PLEKHM2: variants seen among roughly 807,000 people sequenced by gnomAD.
PLEKHM2 encodes the protein pleckstrin homology and RUN domain containing M2.
Under a neutral mutation model 116.3 loss-of-function variants are expected in PLEKHM2, and 77 were observed. That is an observed-to-expected ratio of 0.66 (90% CI 0.55 to 0.80). The LOEUF (loss-of-function observed/expected upper bound fraction) is 0.80. PLEKHM2 is among the 30% of genes least tolerant of loss of function. PLEKHM2 has a pLI of 0.00. For missense variants in PLEKHM2, 1,183 were observed against 1,354.9 expected, an observed-to-expected ratio of 0.87 and a Z score of 1.99; for synonymous variants, 562 against 571.0, an observed-to-expected ratio of 0.98 and a Z score of 0.22.
At chr1:15,732,209 C>T (rs1201287028) in intron 17 of PLEKHM2, 141 bp from the exon 18 acceptor site, 23 of 924,050 alleles carry the variant, frequency 2.5e-5, no homozygotes, top group Non-Finnish European at 4.9e-6. Flanking sequence ...GCATCACCCC[C>T]ATCCCCGCCT....
chr1:15,681,660 G>A (rs1421566553), upstream of PLEKHM2: 3 of 451,152 alleles, frequency 6.6e-6, no homozygotes, highest in South Asian at 3.1e-5. Context: ...AGGATGGAGT[G>A]GGAAGGAAGT....
At chr1:15,694,996 G>A (rs183262661) in intron 1 of PLEKHM2, among the ~76,000 whole-genome samples, 28 of 152,282 alleles carry the variant, frequency 1.8e-4, no homozygotes, top group Admixed American at 1.6e-3. Flanking sequence ...GACATCAAGT[G>A]ATCCACCTGC....
upstream of PLEKHM2, among the ~76,000 whole-genome samples, chr1:15,682,550 C>T (rs1015504717): frequency 6.7e-6 from 1 of 150,124 alleles, no homozygotes; most frequent in Non-Finnish European, 1.5e-5. Flanking sequence ...AGCTGGGAAG[C>T]GGAAGTTGCA....
rs1280546261 is a variant in PLEKHM2, at chr1:15,733,786, C to A, written c.2923-11C>A. 1.2e-6 allele frequency: 2 copies of A among 1,612,070 alleles called. No individual in the cohort carries two copies. Among genetic ancestry groups the A allele is most frequent in the Admixed American group, 1.7e-5 (1 of 59,942 alleles). ...GTGGCCCTCATCTGTTCTCTGCACG[C>A]CCCAACACAGGTGGACCTCCCCCAC... On this transcript the variant is annotated splice_polypyrimidine_tract_variant and intron_variant, in intron 19 of 19. Coordinates refer to ENST00000375799, the MANE Select transcript of PLEKHM2 (RefSeq NM_015164.4).
rs911293775 is a variant in PLEKHM2, at chr1:15,697,386, G to A, written c.60+12768G>A. On this transcript the variant is annotated intron_variant, in intron 1 of 19. Transcript: ENST00000375799. The stretch of plus-strand genomic sequence containing the variant: ...TCTCCCCACCTTAAGAGGAGTCCTC[G>A]GTCCCTCCGTAAGAAGTCAATCCCT... Among the ~76,000 whole-genome samples the A allele has an allele frequency of 6.6e-5, 10 of 152,276 alleles. No homozygotes were observed. The South Asian group carries it at 1.0e-3, about 16-fold the overall frequency.
At position 15,698,541 on chromosome 1, in the gene PLEKHM2, C is replaced by CTTTTTTT. The variant is rs1249746368; in HGVS notation, c.60+13926_60+13927insTTTTTTT. ...TGTTTTTCTTTCTTTTTCTTTCTTT[C>CTTTTTTT]TTTCTTTCTTTTTTTTTTTTTTTTT... On this transcript the variant is annotated intron_variant, in intron 1 of 19. Coordinates refer to ENST00000375799, the MANE Select transcript of PLEKHM2 (RefSeq NM_015164.4). Among the ~76,000 whole-genome samples the CTTTTTTT allele has an allele frequency of 3.2e-4, 45 of 139,014 alleles. 2 individuals carry two copies. Among genetic ancestry groups the CTTTTTTT allele is most frequent in the African/African-American group, 1.3e-3 (45 of 34,336 alleles). The allele number at this position is 139,014 out of a possible 152,430, so 91.2% of individuals were successfully genotyped here.
chr1:15,723,467 G>C (rs1382790806), intron 7 of PLEKHM2: 1 of 150,388 alleles, frequency 6.6e-6, no homozygotes, highest in Non-Finnish European at 1.5e-5. Flanking sequence ...AAAAAAAAGG[G>C]CCAGGCTCAC....
Position 15,725,506 on chromosome 1 carries a change from T to C in PLEKHM2, c.902T>C (p.Leu301Pro), listed in dbSNP as rs368713632. The C allele has an allele frequency of 1.9e-6, 3 of 1,577,064 alleles. No homozygotes were observed. Among genetic ancestry groups the C allele is most frequent in the Non-Finnish European group, 1.7e-6 (2 of 1,162,370 alleles). The change falls in exon 8 of 20, where the codon CTG (leucine) becomes CCG (proline). Residue 301 changes from leucine to proline, a missense_variant. Physicochemically the swap from Leu to Pro is moderately conservative, Grantham distance 98. Coordinates refer to ENST00000375799, the MANE Select transcript of PLEKHM2 (RefSeq NM_015164.4). ...TSQEKEEAQA[L>P]DPPDACTELE... ...CAGGAGAAGGAGGAGGCCCAGGCCC[T>C]GGACCCGCCGGATGCCTGCACGGAG...
Position 15,727,992 on chromosome 1 carries a change from G to A in PLEKHM2, c.1761-87G>A. On this transcript the variant is annotated intron_variant, in intron 9 of 19. Coordinates refer to ENST00000375799, the MANE Select transcript of PLEKHM2 (RefSeq NM_015164.4). This position sits in a 1 kb window ranked among gnomAD's most constrained non-coding sequence, Gnocchi z 7.5. ...ACTTTGGCTCCTAGTGGGAGGCGGA[G>A]GCACTACCCCCTGGCTCTGGGGTGG... 1.6e-6 allele frequency: 2 copies of A among 1,263,798 alleles called. No individual in the cohort carries two copies. The highest frequency in any genetic ancestry group is 2.3e-6 in the Non-Finnish European group (2 of 883,124). 78.3% of individuals were successfully genotyped at this position (1,263,798 alleles called of 1,614,324 possible). A position where few individuals can be genotyped will look rare whatever the true frequency, so the allele number is the denominator to read the frequency against.
In PLEKHM2 at chr1:15,687,134, G is replaced by A. The variant is rs1259382043; in HGVS notation, c.60+2516G>A. On this transcript the variant is annotated intron_variant, in intron 1 of 19. Coordinates refer to ENST00000375799, the MANE Select transcript of PLEKHM2 (RefSeq NM_015164.4). The stretch of plus-strand genomic sequence containing the variant: ...GATGGGATTTCGCCCATATTGGTCA[G>A]GCTGTGTTATGAAGATTTTGTTTGT... Among the ~76,000 whole-genome samples, 8 of 151,924 alleles carry A rather than the reference G, an allele frequency of 5.3e-5. No homozygotes were observed. In the East Asian group the frequency reaches 1.6e-3, roughly 30 times the overall value.
At chr1:15,708,066 G>T (rs548150542) in intron 1 of PLEKHM2, among the ~76,000 whole-genome samples, 6 of 151,902 alleles carry the variant, frequency 3.9e-5, no homozygotes, top group Non-Finnish European at 8.8e-5. Context: ...TGTATTTTTA[G>T]TAGAGATGGG....
chr1:15,729,764 G>A lies in PLEKHM2; in HGVS notation c.2076-33G>A. On this transcript the variant is annotated intron_variant, in intron 13 of 19. Transcript: ENST00000375799. This position sits in a 1 kb window ranked among gnomAD's most constrained non-coding sequence, Gnocchi z 4.7. ...CTGTCCAGTTGAGGCCCTGTTCCCA[G>A]GCCTCTAACCACAAACCTCACTCCC... The A allele has an allele frequency of 5.7e-6, 9 of 1,588,638 alleles. No homozygotes were observed. Among genetic ancestry groups the A allele is most frequent in the Non-Finnish European group, 7.7e-6 (9 of 1,168,842 alleles).
intron 1 of PLEKHM2, among the ~76,000 whole-genome samples, chr1:15,687,148 G>C (rs905581930): frequency 2.6e-5 from 4 of 151,754 alleles, no homozygotes; most frequent in African/African-American, 7.3e-5. Context: ...GTGTTATGAA[G>C]ATTTTGTTTG....
chr1:15,725,153 T>C (rs960816640), intron 7 of PLEKHM2, among the ~76,000 whole-genome samples, 164 bp from the exon 8 acceptor site: 4 of 152,296 alleles, frequency 2.6e-5, no homozygotes, highest in Non-Finnish European at 2.9e-5. Context: ...CAAAACCCCA[T>C]GTCCTGTTAG....
intron 1 of PLEKHM2, among the ~76,000 whole-genome samples, chr1:15,704,793 G>A (rs980401897): frequency 3.9e-5 from 6 of 152,176 alleles, no homozygotes; most frequent in Non-Finnish European, 8.8e-5. Context: ...GACCACACCT[G>A]CCCTTGGGAA....
chr1:15,714,649 C>T (rs180745108), intron 1 of PLEKHM2, among the ~76,000 whole-genome samples: 1 of 152,308 alleles, frequency 6.6e-6, no homozygotes, highest in Non-Finnish European at 1.5e-5. Flanking sequence ...GGTCTCTCTC[C>T]AGGAGCACAT....
At position 15,716,795 on chromosome 1, in the gene PLEKHM2, G is replaced by A. The variant is rs1227821868; in HGVS notation, c.256G>A (p.Val86Met). 8.9e-6 allele frequency: 14 copies of A among 1,568,122 alleles called. No individual in the cohort carries two copies. Among genetic ancestry groups the A allele is most frequent in the Non-Finnish European group, 1.2e-5 (14 of 1,156,482 alleles). Residue 86 changes from valine to methionine, a missense_variant, in exon 3 of 20, where the codon GTG (valine) becomes ATG (methionine). Physicochemically the swap from Val to Met is conservative, Grantham distance 21. Around this residue, in one of 3 missense-constraint regions of PLEKHM2, gnomAD observed 217 missense variants for 277.6 expected, o/e 0.78. Transcript: ENST00000375799. The stretch of plus-strand genomic sequence containing the variant: ...CAAGCAGATCGAGGTGCTGCAGCAC[G>A]TGGCCACCAACCTGGGGCGCAGTGA... ...AIKQIEVLQH[V>M]ATNLGRSRAW...
rs1175386671 is a variant in PLEKHM2, at chr1:15,719,184, T to A, written c.466-550T>A. Reference sequence around the variant, plus strand: ...CCTTCCTTGGGCCAGGCGCAGTGGCTCACACCTATAATCCCAGCACTTTGG... The same window carrying A: ...CCTTCCTTGGGCCAGGCGCAGTGGCACACACCTATAATCCCAGCACTTTGG... On this transcript the variant is annotated intron_variant, in intron 5 of 19. Transcript: ENST00000375799. The surrounding 1 kb of genome is among the most constrained non-coding windows in gnomAD (Gnocchi z 4.1). Among the ~76,000 whole-genome samples, 1 of 152,162 alleles carries A rather than the reference T, an allele frequency of 6.6e-6. No homozygotes were observed. The highest frequency in any genetic ancestry group is 1.5e-5 in the Non-Finnish European group (1 of 68,028).
chr1:15,687,974 A>G (rs938596391), intron 1 of PLEKHM2, among the ~76,000 whole-genome samples: 4 of 152,248 alleles, frequency 2.6e-5, no homozygotes, highest in Admixed American at 2.6e-4. Flanking sequence ...AGAGTACTTT[A>G]GAACTTTTTA....
Sources: allele counts gnomAD v4.1 joint callset (sites outside exome capture counted in the v4.1 genomes callset), GRCh38; gene constraint gnomAD v4.1.1; regional missense constraint gnomAD v4.1.1; non-coding constraint Gnocchi (gnomAD v3.1); transcripts MANE v1.5; gene names NCBI Gene and HGNC (gene_info 2026-07-23, HGNC 2026-07-21).